Variants in MAP3K5 observed in about 807,000 individuals in gnomAD.
MAP3K5 encodes mitogen-activated protein kinase kinase kinase 5, also known as ASK-1.
In MAP3K5, 56 loss-of-function variants were observed where a neutral mutation model predicts 158.7. The observed-to-expected ratio is 0.35, with a 90% CI of 0.28 to 0.44. MAP3K5 has a LOEUF of 0.44. Ranked by LOEUF, MAP3K5 falls within the 20% of genes least tolerant of loss-of-function variation. The pLI is 1.00. For synonymous variants in MAP3K5, 579 were observed against 601.7 expected (o/e 0.96, Z 0.55); for missense variants, 1,294 against 1,674.8 (o/e 0.77, Z 3.97).
chr6:136,700,031 G>T (rs12213099), intron 3 of MAP3K5, among the ~76,000 whole-genome samples: 5,415 of 152,018 alleles, frequency 0.036, 134 homozygotes, highest in Admixed American at 0.082. Flanking sequence ...CCGAGATTGC[G>T]CCACTGCACT....
intron 25 of MAP3K5, 103 bp from the exon 26 acceptor site, chr6:136,567,977 T>C: frequency 1.6e-6 from 2 of 1,271,404 alleles, no homozygotes; most frequent in Non-Finnish European, 2.2e-6. Flanking sequence ...CAATAAGATA[T>C]ATATTCCAAA....
chr6:136,632,600 A>G (rs1307590933), intron 14 of MAP3K5, among the ~76,000 whole-genome samples: 1 of 152,220 alleles, frequency 6.6e-6, no homozygotes, highest in Non-Finnish European at 1.5e-5. Context: ...TGATGATAAC[A>G]GAGACAAAGC....
chr6:136,677,937 ATTC>A (rs750644522), intron 7 of MAP3K5, among the ~76,000 whole-genome samples: 88 of 152,358 alleles, frequency 5.8e-4, no homozygotes, highest in Non-Finnish European at 1.1e-3. Context: ...AATACTTCTA[ATTC>A]TGACAACTCT....
intron 1 of MAP3K5, among the ~76,000 whole-genome samples, chr6:136,754,270 A>T (rs1783359266): frequency 7.4e-6 from 1 of 135,472 alleles, no homozygotes; most frequent in African/African-American, 2.7e-5. Flanking sequence ...AAGACTCGAT[A>T]AAAAAAAAAA....
chr6:136,743,189 G>A (rs1266437129), intron 1 of MAP3K5, among the ~76,000 whole-genome samples: 1 of 152,030 alleles, frequency 6.6e-6, no homozygotes, highest in African/African-American at 2.4e-5. Flanking sequence ...AGTGGCTCAC[G>A]CCTGTAATCC....
chr6:136,577,886 T>C (rs1774689432), intron 25 of MAP3K5, among the ~76,000 whole-genome samples: 1 of 152,244 alleles, frequency 6.6e-6, no homozygotes, highest in Admixed American at 6.5e-5. Flanking sequence ...TCACTAATGT[T>C]CGTTTTCTAT....
intron 26 of MAP3K5, among the ~76,000 whole-genome samples, chr6:136,567,129 A>G (rs1020633996): frequency 3.3e-5 from 5 of 152,234 alleles, no homozygotes; most frequent in Non-Finnish European, 7.3e-5. Flanking sequence ...TACTCCAGAT[A>G]TGTTACAGCA....
At chr6:136,756,579 G>A (rs1383008564) in intron 1 of MAP3K5, among the ~76,000 whole-genome samples, 4 of 152,088 alleles carry the variant, frequency 2.6e-5, no homozygotes, top group Admixed American at 6.5e-5. Flanking sequence ...TGCCTGTGTT[G>A]TACTCATCTC....
At chr6:136,576,137 C>T (rs1270646042) in intron 25 of MAP3K5, among the ~76,000 whole-genome samples, 2 of 152,032 alleles carry the variant, frequency 1.3e-5, no homozygotes, top group African/African-American at 4.8e-5. Context: ...AATATGGACT[C>T]ACGGATGCTT....
chr6:136,741,281 C>T (rs888579712), intron 1 of MAP3K5, among the ~76,000 whole-genome samples: 11 of 152,060 alleles, frequency 7.2e-5, no homozygotes, highest in African/African-American at 2.4e-4. Flanking sequence ...TCACTCTAAG[C>T]GTTTTCCTAT....
chr6:136,575,535 T>A (rs1490387820), intron 25 of MAP3K5, among the ~76,000 whole-genome samples: 1 of 152,244 alleles, frequency 6.6e-6, no homozygotes, highest in Non-Finnish European at 1.5e-5. Flanking sequence ...ATGTCCTTTT[T>A]CTGATCAAGG....
intron 1 of MAP3K5, among the ~76,000 whole-genome samples, chr6:136,774,510 T>C (rs763120458): frequency 4.6e-5 from 7 of 152,154 alleles, no homozygotes; most frequent in East Asian, 1.9e-4. Context: ...AATACGTTCA[T>C]AGGCTGGTCT....
intron 1 of MAP3K5, among the ~76,000 whole-genome samples, chr6:136,758,174 GT>G (rs1477503426): frequency 6.6e-6 from 1 of 152,148 alleles, no homozygotes; most frequent in Non-Finnish European, 1.5e-5. Context: ...ATGTCATCAT[GT>G]CATACTAAAA....
At position 136,613,057 on chromosome 6, in the gene MAP3K5, T is replaced by G; in HGVS notation, c.2415+63A>C. The G allele has an allele frequency of 6.8e-7, 1 of 1,474,010 alleles. No individual in the cohort carries two copies. The highest frequency in any genetic ancestry group is 9.1e-7 in the Non-Finnish European group (1 of 1,094,200). The allele number at this position is 1,474,010 out of a possible 1,614,324, so 91.3% of individuals were successfully genotyped here. A position where few individuals can be genotyped will look rare whatever the true frequency, so the allele number is the denominator to read the frequency against. On this transcript the variant is annotated intron_variant, in intron 17 of 29. Transcript: ENST00000359015. This position sits in a 1 kb window ranked among gnomAD's most constrained non-coding sequence, Gnocchi z 4.0. ...AATACTCATAACACAATATGACTTT[T>G]GCAAGTAAAATAATAACCCAGCAAA...
intron 25 of MAP3K5, among the ~76,000 whole-genome samples, chr6:136,575,267 T>A (rs920671347): frequency 6.6e-6 from 1 of 151,258 alleles, no homozygotes; most frequent in East Asian, 2.0e-4. Flanking sequence ...GCTCAATTGA[T>A]CCTCTCACCT....
intron 2 of MAP3K5, among the ~76,000 whole-genome samples, chr6:136,717,586 A>G (rs962813318): frequency 3.9e-5 from 6 of 152,206 alleles, no homozygotes; most frequent in African/African-American, 1.2e-4. Context: ...TAATCCTTAC[A>G]TGATATATTA....
At chr6:136,760,093 T>C (rs78988709) in intron 1 of MAP3K5, among the ~76,000 whole-genome samples, 3 of 152,346 alleles carry the variant, frequency 2.0e-5, no homozygotes, top group Admixed American at 6.5e-5. Context: ...AGAATGCACA[T>C]TGCACTATTC....
At chr6:136,660,571 A>AT (rs1254413895) in intron 8 of MAP3K5, among the ~76,000 whole-genome samples, 1 of 152,098 alleles carries the variant, frequency 6.6e-6, no homozygotes, top group African/African-American at 2.4e-5. Flanking sequence ...TTCATTATAT[A>AT]TTTTCAATTC....
At chr6:136,671,970 T>A (rs894069942) in intron 7 of MAP3K5, among the ~76,000 whole-genome samples, 7 of 152,252 alleles carry the variant, frequency 4.6e-5, no homozygotes, top group South Asian at 2.1e-4. Flanking sequence ...TTAACAATTA[T>A]ACATTTACAA....
Sources: allele counts gnomAD v4.1 joint callset (sites outside exome capture counted in the v4.1 genomes callset), GRCh38; gene constraint gnomAD v4.1.1; non-coding constraint Gnocchi (gnomAD v3.1); transcripts MANE v1.5; gene names NCBI Gene and HGNC (gene_info 2026-07-23, HGNC 2026-07-21).